GK: variants seen among roughly 807,000 people sequenced by gnomAD.
The protein encoded by GK is ATP:glycerol 3-phosphotransferase.
GK carries 9 observed loss-of-function variants against 56.4 expected under a neutral mutation model. That is an observed-to-expected ratio of 0.16 (90% CI 0.10 to 0.28). The LOEUF is 0.28. Among genes scored for constraint, GK ranks in the 10% least tolerant of loss-of-function variants. GK has a pLI of 1.00. For synonymous variants in GK, 104 were observed against 144.1 expected (o/e 0.72, Z 1.99); for missense variants, 161 against 431.4 (o/e 0.37, Z 5.55).
chrX:30,724,218 T>G, intron 19 of GK, 37 bp downstream of exon 19: 1 of 855,655 alleles, frequency 1.2e-6, no homozygotes, highest in Non-Finnish European at 1.7e-6. Context: ...CACATTTTCT[T>G]AGTATATTAA....
intron 4 of GK, among the ~76,000 whole-genome samples, chrX:30,678,671 G>GTTTTTT (rs35987506): frequency 2.3e-5 from 2 of 85,757 alleles, no homozygotes; most frequent in Non-Finnish European, 4.5e-5. Flanking sequence ...TTTCTGTGGT[G>GTTTTTT]TTTTTTTTTT....
chrX:30,715,796 G>A (rs186257479), intron 13 of GK, among the ~76,000 whole-genome samples: 188 of 111,683 alleles, frequency 1.7e-3, no homozygotes, highest in African/African-American at 5.9e-3. Context: ...TATCCTGACA[G>A]CAAAATTATT....
chrX:30,714,423 T>G (rs1289336491), intron 13 of GK, among the ~76,000 whole-genome samples: 1 of 111,543 alleles, frequency 9.0e-6, no homozygotes, highest in Non-Finnish European at 1.9e-5. Flanking sequence ...TTCAGGTTAT[T>G]GGCAAAATTC....
intron 13 of GK, among the ~76,000 whole-genome samples, chrX:30,715,927 T>C (rs1160411498): frequency 3.6e-5 from 4 of 112,261 alleles, no homozygotes; most frequent in Non-Finnish European, 7.5e-5. Flanking sequence ...AGTTATCTCC[T>C]GGAGCCTTAA....
At chrX:30,700,771 C>A in intron 10 of GK, 67 bp from the exon 11 acceptor site, 1 of 689,295 alleles carries the variant, frequency 1.5e-6, no homozygotes, top group Non-Finnish European at 2.3e-6. Flanking sequence ...AATCCTATGG[C>A]TCTTCTAAAA....
chrX:30,673,905 C>G lies in GK; in HGVS notation c.260-3470C>G, dbSNP rs188298199. ...GTTGACTATAAGTTCATTGTGATCCCATGTTGTAAAGTTGTCACACGCACA... is the reference window on the plus strand; with the variant it reads ...GTTGACTATAAGTTCATTGTGATCCGATGTTGTAAAGTTGTCACACGCACA... On this transcript the variant is annotated intron_variant, in intron 3 of 20. Coordinates refer to ENST00000427190, the MANE Select transcript of GK (RefSeq NM_001205019.2). Among the ~76,000 whole-genome samples the G allele has an allele frequency of 2.0e-3, 225 of 111,155 alleles. 1 individual carries two copies. The highest frequency in any genetic ancestry group is 7.1e-3 in the African/African-American group (218 of 30,584).
chrX:30,664,493 C>T (rs1199753959), intron 1 of GK, among the ~76,000 whole-genome samples: 7 of 108,224 alleles, frequency 6.5e-5, no homozygotes, highest in Admixed American at 1.0e-4. Flanking sequence ...CCACCACGCC[C>T]GGCAAAACTT....
intron 4 of GK, among the ~76,000 whole-genome samples, chrX:30,682,080 T>C: frequency 9.0e-6 from 1 of 111,564 alleles, no homozygotes; most frequent in Middle Eastern, 4.6e-3. Context: ...AAAGCAGGCC[T>C]GTGAGATTTT....
chrX:30,666,638 G>A (rs961719188), intron 2 of GK, among the ~76,000 whole-genome samples: 2 of 111,852 alleles, frequency 1.8e-5, no homozygotes, highest in Admixed American at 1.9e-4. Context: ...TTAAGAAAGA[G>A]AGAAAAAAAT....
chrX:30,686,170 C>T (rs908849754), intron 4 of GK, among the ~76,000 whole-genome samples: 3 of 112,731 alleles, frequency 2.7e-5, no homozygotes, highest in Non-Finnish European at 5.6e-5. Context: ...TCTTTCCTTC[C>T]CAACTCTGTT....
chrX:30,704,667 G>A (rs1935892335), intron 11 of GK, among the ~76,000 whole-genome samples: 2 of 109,555 alleles, frequency 1.8e-5, no homozygotes, highest in African/African-American at 3.3e-5. Flanking sequence ...TGCCTCCCAG[G>A]TTCAAGCAGT....
chrX:30,726,351 G>A (rs370830970), intron 19 of GK, among the ~76,000 whole-genome samples: 7 of 104,253 alleles, frequency 6.7e-5, no homozygotes, highest in African/African-American at 2.1e-4. Context: ...GCAATGGCAC[G>A]ATCTCTGCTC....
intron 1 of GK, among the ~76,000 whole-genome samples, chrX:30,658,595 C>T (rs761494019): frequency 1.8e-5 from 2 of 112,619 alleles, no homozygotes; most frequent in Admixed American, 1.9e-4. Context: ...GGATTACAGG[C>T]GTGAGCCACC....
chrX:30,657,626 T>C (rs1344176167), intron 1 of GK, among the ~76,000 whole-genome samples: 2 of 112,490 alleles, frequency 1.8e-5, no homozygotes, highest in Non-Finnish European at 3.8e-5. Context: ...CTCATAACTC[T>C]GTGATGTAGA....
intron 1 of GK, among the ~76,000 whole-genome samples, chrX:30,660,916 G>A (rs951039014): frequency 9.5e-6 from 1 of 105,071 alleles, no homozygotes; most frequent in African/African-American, 3.5e-5. Flanking sequence ...GGGTTCAATC[G>A]ATTCTCCTGC....
In GK at chrX:30,683,551, TTGA is replaced by T. The variant is rs776294470; in HGVS notation, c.337+6103_337+6105del. Among the ~76,000 whole-genome samples the T allele has an allele frequency of 7.8e-4, 87 of 111,683 alleles. 1 individual carries two copies. The highest frequency in any genetic ancestry group is 2.6e-3 in the African/African-American group (80 of 30,787). ...TATCATTGGTGGCCACGGCATAGGC[TTGA>T]TGAAGGTAAAGACTGAGAAGGGCTA... On this transcript the variant is annotated intron_variant, in intron 4 of 20. Coordinates refer to ENST00000427190, the MANE Select transcript of GK (RefSeq NM_001205019.2).
At chrX:30,661,778 A>T (rs1027237163) in intron 1 of GK, among the ~76,000 whole-genome samples, 7 of 112,343 alleles carry the variant, frequency 6.2e-5, no homozygotes, top group Non-Finnish European at 1.1e-4. Context: ...TGTCTCAGAC[A>T]AACACCCCAG....
intron 3 of GK, among the ~76,000 whole-genome samples, chrX:30,669,533 A>G (rs746697708): frequency 1.2e-4 from 13 of 111,799 alleles, no homozygotes; most frequent in East Asian, 2.8e-4. Flanking sequence ...CATCATTCAT[A>G]TAGGGAAAAA....
intron 16 of GK, 21 bp from the exon 17 acceptor site, chrX:30,720,600 A>G (rs746320241): frequency 5.1e-6 from 6 of 1,183,955 alleles, no homozygotes; most frequent in South Asian, 3.6e-5. Flanking sequence ...TTATAACATT[A>G]ATTGCACTGG....
Sources: gnomAD v4.1 joint callset for allele counts (sites outside exome capture counted in the v4.1 genomes callset) on GRCh38, gnomAD v4.1.1 for gene constraint, MANE v1.5 for transcripts, NCBI Gene and HGNC (gene_info 2026-07-23, HGNC 2026-07-21) for gene names.